LETM1: variants seen among roughly 807,000 people sequenced by gnomAD.
LETM1 encodes leucine zipper and EF-hand containing transmembrane protein 1.
A neutral mutation model predicts 74.5 loss-of-function variants in LETM1; 50 were observed. The observed-to-expected ratio is 0.67, with a 90% CI of 0.53 to 0.85. The LOEUF (loss-of-function observed/expected upper bound fraction) is 0.85, where lower values mean the gene tolerates loss of function less well. Among genes scored for constraint, LETM1 ranks in the 40% least tolerant of loss-of-function variants. The probability of loss-of-function intolerance (pLI) is 0.00; values close to 1 mark genes in which losing one functional copy is unlikely to be tolerated. For missense variants in LETM1, 824 were observed against 967.8 expected (o/e 0.85, Z 1.97); for synonymous variants, 446 against 407.1 (o/e 1.10, Z -1.15).
At chr4:1,828,916 T>C (rs1374886597) in intron 6 of LETM1, among the ~76,000 whole-genome samples, 9 of 78,054 alleles carry the variant, frequency 1.2e-4, no homozygotes, top group South Asian at 5.2e-4. Flanking sequence ...GAGGGGCTCC[T>C]CACTTCCCAG....
chr4:1,823,419 G>A (rs957932885), intron 8 of LETM1, among the ~76,000 whole-genome samples: 20 of 152,108 alleles, frequency 1.3e-4, no homozygotes, highest in African/African-American at 4.6e-4. Flanking sequence ...GGCCAGGTCG[G>A]GACCACTGGC....
rs201491961 is a variant in LETM1, at chr4:1,834,953, G to C, written c.768C>G (p.Val256=). The part of the protein sequence containing the change: ...KEERLKKELR[V]KLELAKFLQD... ...GGAGGAACTTGGCCAGCTCCAGCTT[G>C]ACCCGAAGCTCCTTCTTCAGCCTCT... The change falls in exon 5 of 14, where the codon GTC becomes GTG. Residue 256 remains valine, a synonymous_variant. Transcript: ENST00000302787. This position sits in a 1 kb window ranked among gnomAD's most constrained non-coding sequence, Gnocchi z 5.0. 5 of 1,614,110 alleles carry C rather than the reference G, an allele frequency of 3.1e-6. No homozygotes were observed. Among genetic ancestry groups the C allele is most frequent in the Non-Finnish European group, 4.2e-6 (5 of 1,180,000 alleles).
chr4:1,836,652 ATGGT>A lies in LETM1; in HGVS notation c.595-84_595-81del. 3 of 1,507,870 alleles carry A rather than the reference ATGGT, an allele frequency of 2.0e-6. No homozygotes were observed. Among genetic ancestry groups the A allele is most frequent in the Non-Finnish European group, 2.7e-6 (3 of 1,093,928 alleles). The allele number at this position is 1,507,870 out of a possible 1,614,324, so 93.4% of individuals were successfully genotyped here. On this transcript the variant is annotated intron_variant, in intron 3 of 13. Transcript: ENST00000302787. This position sits in a 1 kb window ranked among gnomAD's most constrained non-coding sequence, Gnocchi z 5.8. ...AAGGGGTGTGAGCATTTCTCCTATA[ATGGT>A]TTATAGGCACAACCTCAGGCAGCGA... is the stretch of plus-strand genomic sequence containing the variant.
intron 9 of LETM1, 26 bp downstream of exon 9, chr4:1,822,962 C>T (rs950379600): frequency 2.3e-5 from 33 of 1,446,742 alleles, no homozygotes; most frequent in Non-Finnish European, 2.7e-5. Context: ...CAGCCCCACG[C>T]GGCACGGAGC....
intron 12 of LETM1, 83 bp downstream of exon 12, chr4:1,816,644 A>C (rs1711579084): frequency 7.3e-7 from 1 of 1,376,982 alleles, no homozygotes; most frequent in East Asian, 2.3e-5. Context: ...TGGAGCCAGA[A>C]GGGCCCAGCT....
chr4:1,814,577 C>A lies in LETM1; in HGVS notation c.2071-4G>T. ...CTTTGTCCACCAGCTCAATCACCTA[C>A]ACACGTGGGAAAGGGAGAGGCTCAG... On this transcript the variant is annotated splice_polypyrimidine_tract_variant and splice_region_variant and intron_variant, in intron 13 of 13. Coordinates refer to ENST00000302787, the MANE Select transcript of LETM1 (RefSeq NM_012318.3). The A allele has an allele frequency of 1.2e-6, 2 of 1,612,730 alleles. No homozygotes were observed. The highest frequency in any genetic ancestry group is 1.7e-6 in the Non-Finnish European group (2 of 1,179,228).
intron 3 of LETM1, among the ~76,000 whole-genome samples, chr4:1,838,532 C>T (rs1712568128): frequency 6.6e-6 from 1 of 152,054 alleles, no homozygotes; most frequent in African/African-American, 2.4e-5. Flanking sequence ...TAAAAATTAG[C>T]CTGGCATGAC....
intron 7 of LETM1, 65 bp from the exon 8 acceptor site, chr4:1,823,840 C>T (rs369104568): frequency 2.5e-5 from 38 of 1,528,220 alleles, no homozygotes; most frequent in Admixed American, 7.9e-5. Context: ...ACAGCAGGTC[C>T]GCCCATCTCA....
At chr4:1,848,844 A>T (rs1712973546) in intron 2 of LETM1, among the ~76,000 whole-genome samples, 1 of 151,592 alleles carries the variant, frequency 6.6e-6, no homozygotes, top group Non-Finnish European at 1.5e-5. Flanking sequence ...GCCAGTGCCC[A>T]CTCCAACTGG....
chr4:1,825,618 TCGTGCCCGACA>T lies in LETM1; in HGVS notation c.1135_1145del (p.Cys379ArgfsTer100). 1 of 1,613,912 alleles carries T rather than the reference TCGTGCCCGACA, an allele frequency of 6.2e-7. No homozygotes were observed. The highest frequency in any genetic ancestry group is 2.2e-5 in the East Asian group (1 of 44,874). On this transcript the variant is annotated frameshift_variant, in exon 7 of 14. Coordinates refer to ENST00000302787, the MANE Select transcript of LETM1 (RefSeq NM_012318.3). LOFTEE classifies it high-confidence loss of function. ...CCGTGACGCCCAGGGCCCGCATGCC[TCGTGCCCGACA>T]CGCTGCCTGCAGCTCCTTGACATTC...
intron 11 of LETM1, 42 bp from the exon 12 acceptor site, chr4:1,816,956 A>G (rs750235188): frequency 3.2e-6 from 5 of 1,545,728 alleles, no homozygotes; most frequent in Admixed American, 3.4e-5. Context: ...GTCTTAAAAG[A>G]AAAAGGGGGT....
chr4:1,825,250 G>A (rs1711941685), intron 7 of LETM1, among the ~76,000 whole-genome samples: 1 of 152,244 alleles, frequency 6.6e-6, no homozygotes, highest in South Asian at 2.1e-4. Context: ...ACATCTCAGA[G>A]GTGAACTCCA....
In LETM1 at chr4:1,814,549, C is replaced by A; in HGVS notation, c.2095G>T (p.Asp699Tyr). ...VKVIELVDKE[D>Y]VHISTSQVAE... ...ACCTGGCTGGTGGAGATGTGAACAT[C>A]TTCTTTGTCCACCAGCTCAATCACC... The change falls in exon 14 of 14, where the codon GAT becomes TAT. Residue 699 changes from aspartate to tyrosine, a missense_variant. Around this residue, in one of 4 missense-constraint regions of LETM1, gnomAD observed 161 missense variants for 252.7 expected, o/e 0.64. Coordinates refer to ENST00000302787, the MANE Select transcript of LETM1 (RefSeq NM_012318.3). 3 of 1,613,744 alleles carry A rather than the reference C, an allele frequency of 1.9e-6. No homozygotes were observed. Among genetic ancestry groups the A allele is most frequent in the Non-Finnish European group, 1.7e-6 (2 of 1,179,812 alleles).
Position 1,825,612 on chromosome 4 carries a change from C to T in LETM1, c.1152G>A (p.Met384Ile). ...GGTCTTCCGTGACGCCCAGGGCCCG[C>T]ATGCCTCGTGCCCGACACGCTGCCT... ...ELQAACRARG[M>I]RALGVTEDRL... The change falls in exon 7 of 14, where the codon ATG (methionine) becomes ATA (isoleucine). Residue 384 changes from methionine to isoleucine, a missense_variant. Coordinates refer to ENST00000302787, the MANE Select transcript of LETM1 (RefSeq NM_012318.3). 4 of 1,614,026 alleles carry T rather than the reference C, an allele frequency of 2.5e-6. No individual in the cohort carries two copies. The highest frequency in any genetic ancestry group is 3.4e-6 in the Non-Finnish European group (4 of 1,179,972).
chr4:1,832,329 A>G (rs1200302211), intron 6 of LETM1, among the ~76,000 whole-genome samples: 1 of 152,024 alleles, frequency 6.6e-6, no homozygotes. Flanking sequence ...AATCAGACCT[A>G]GAAGGAGGGC....
intron 13 of LETM1, 107 bp downstream of exon 13, chr4:1,815,557 G>C (rs1005683879): frequency 6.1e-5 from 77 of 1,255,284 alleles, no homozygotes; most frequent in South Asian, 4.8e-4. Flanking sequence ...CTGACAGGAG[G>C]GGGTAGCTGC....
chr4:1,855,240 TAGAG>T (rs1455876951), intron 1 of LETM1, among the ~76,000 whole-genome samples: 3 of 152,174 alleles, frequency 2.0e-5, no homozygotes, highest in Non-Finnish European at 2.9e-5. Context: ...GTTGGTTAAT[TAGAG>T]AGAGAGAGGA....
chr4:1,831,844 C>T (rs1415599735), intron 6 of LETM1, among the ~76,000 whole-genome samples: 1 of 152,218 alleles, frequency 6.6e-6, no homozygotes, highest in Non-Finnish European at 1.5e-5. Context: ...AAAAACTAAA[C>T]ACTACAAACA....
rs1712476903 is a variant in LETM1 at position 1,836,836 on chromosome 4, T to C, written c.595-264A>G. 6.6e-6 allele frequency among the ~76,000 whole-genome samples: 1 copy of C among 151,926 alleles called. No individual in the cohort carries two copies. The highest frequency in any genetic ancestry group is 1.5e-5 in the Non-Finnish European group (1 of 67,970). ...AAGGGCCACTGGGTGCTCCCAGCGA[T>C]CGAGTCCTCCGAGGACACCGGCCAG... On this transcript the variant is annotated intron_variant, in intron 3 of 13. Coordinates refer to ENST00000302787, the MANE Select transcript of LETM1 (RefSeq NM_012318.3). The surrounding 1 kb of genome is among the most constrained non-coding windows in gnomAD (Gnocchi z 5.8).
Sources: allele counts gnomAD v4.1 joint callset (sites outside exome capture counted in the v4.1 genomes callset), GRCh38; gene constraint gnomAD v4.1.1; regional missense constraint gnomAD v4.1.1; non-coding constraint Gnocchi (gnomAD v3.1); transcripts MANE v1.5; gene names NCBI Gene and HGNC (gene_info 2026-07-23, HGNC 2026-07-21).